CSGALNACT1: variants seen among roughly 807,000 people sequenced by gnomAD.
CSGALNACT1 encodes beta4GalNAcT-1.
In CSGALNACT1, 52 loss-of-function variants were observed where a neutral mutation model predicts 51.0. That is an observed-to-expected ratio of 1.02 (90% CI 0.82 to 1.29). CSGALNACT1 has a LOEUF of 1.29. Ranked by LOEUF, CSGALNACT1 falls within the 50% of genes most tolerant of loss-of-function variation. The probability of loss-of-function intolerance (pLI) is 0.00; values close to 1 mark genes in which losing one functional copy is unlikely to be tolerated. For missense variants in CSGALNACT1, 935 were observed against 679.2 expected (o/e 1.38, Z -4.19); for synonymous variants, 341 against 254.4 (o/e 1.34, Z -3.24).
At chr8:19,416,864 A>C (rs2153688688) in intron 8 of CSGALNACT1, among the ~76,000 whole-genome samples, 1 of 113,444 alleles carries the variant, frequency 8.8e-6, no homozygotes, top group South Asian at 3.3e-4. Flanking sequence ...ATGAAAACTC[A>C]CTTTTTTTTT....
At chr8:19,452,401 T>G (rs2063330401) in intron 5 of CSGALNACT1, among the ~76,000 whole-genome samples, 1 of 135,002 alleles carries the variant, frequency 7.4e-6, no homozygotes, top group Non-Finnish European at 1.6e-5. Flanking sequence ...TAATTACTTG[T>G]GAACTAACCC....
intron 4 of CSGALNACT1, among the ~76,000 whole-genome samples, chr8:19,500,627 A>G (rs1335390202): frequency 6.6e-6 from 1 of 152,162 alleles, no homozygotes; most frequent in Non-Finnish European, 1.5e-5. Context: ...TTAGTGATAC[A>G]CCGACAAGTG....
intron 1 of CSGALNACT1, among the ~76,000 whole-genome samples, chr8:19,644,527 T>C (rs1245529564): frequency 6.6e-6 from 1 of 150,656 alleles, no homozygotes; most frequent in African/African-American, 2.4e-5. Context: ...CTGGCCAACA[T>C]GGTAAAACCC....
chr8:19,748,833 C>A (rs766976149), intron 1 of CSGALNACT1, among the ~76,000 whole-genome samples: 1 of 152,032 alleles, frequency 6.6e-6, no homozygotes, highest in East Asian at 1.9e-4. Context: ...GGTGTGGTGG[C>A]GAGTGCCTGT....
At chr8:19,524,914 G>C (rs1006523111) in intron 3 of CSGALNACT1, among the ~76,000 whole-genome samples, 3 of 152,142 alleles carry the variant, frequency 2.0e-5, no homozygotes, top group African/African-American at 7.2e-5. Flanking sequence ...AAGAGAGAAA[G>C]AGAGACACAG....
chr8:19,475,918 A>G (rs965902048), intron 4 of CSGALNACT1, among the ~76,000 whole-genome samples: 15 of 152,180 alleles, frequency 9.9e-5, no homozygotes, highest in African/African-American at 3.6e-4. Context: ...GGGCAAAGTC[A>G]ATTCTCAAAG....
At chr8:19,683,852 C>T (rs1464793736), upstream of CSGALNACT1, among the ~76,000 whole-genome samples, 3 of 151,786 alleles carry the variant, frequency 2.0e-5, no homozygotes, top group Non-Finnish European at 4.4e-5. Flanking sequence ...AGGGCAAGAC[C>T]ACATTCTACC....
At chr8:19,463,256 C>T (rs2065946302) in intron 4 of CSGALNACT1, among the ~76,000 whole-genome samples, 1 of 152,118 alleles carries the variant, frequency 6.6e-6, no homozygotes, top group Non-Finnish European at 1.5e-5. Flanking sequence ...TATGGCTTCG[C>T]TATTGTGAAT....
At chr8:19,749,501 T>G (rs780941164) in intron 1 of CSGALNACT1, among the ~76,000 whole-genome samples, 2 of 152,196 alleles carry the variant, frequency 1.3e-5, no homozygotes, top group Non-Finnish European at 2.9e-5. Flanking sequence ...TAGACGTTTC[T>G]GAACTGTAAT....
chr8:19,432,374 T>G (rs2059770462), intron 6 of CSGALNACT1, among the ~76,000 whole-genome samples: 1 of 152,208 alleles, frequency 6.6e-6, no homozygotes, highest in African/African-American at 2.4e-5. Context: ...TTCTCTGTCT[T>G]TGGATTTCAA....
At chr8:19,669,400 C>G (rs1482537842) in intron 1 of CSGALNACT1, among the ~76,000 whole-genome samples, 2 of 152,194 alleles carry the variant, frequency 1.3e-5, no homozygotes, top group Non-Finnish European at 2.9e-5. Context: ...CATGGTTACT[C>G]TACCAAACCA....
chr8:19,534,181 G>A (rs2083313567), intron 3 of CSGALNACT1, among the ~76,000 whole-genome samples: 1 of 152,146 alleles, frequency 6.6e-6, no homozygotes, highest in Non-Finnish European at 1.5e-5. Context: ...GCCGGGTGTG[G>A]TGGTTCACAT....
intron 1 of CSGALNACT1, among the ~76,000 whole-genome samples, chr8:19,646,172 G>C (rs2057258056): frequency 6.6e-6 from 1 of 152,156 alleles, no homozygotes; most frequent in South Asian, 2.1e-4. Flanking sequence ...TTACTCAGTA[G>C]ACTGACAAGA....
intron 3 of CSGALNACT1, among the ~76,000 whole-genome samples, chr8:19,575,226 T>G (rs2043923830): frequency 6.6e-6 from 1 of 152,130 alleles, no homozygotes; most frequent in African/African-American, 2.4e-5. Flanking sequence ...AACATTGTGG[T>G]TTTATTTTTT....
At chr8:19,632,597 T>A (rs2055428577) in intron 1 of CSGALNACT1, among the ~76,000 whole-genome samples, 1 of 152,242 alleles carries the variant, frequency 6.6e-6, no homozygotes, top group Non-Finnish European at 1.5e-5. Flanking sequence ...TCTACAGCGA[T>A]CACTGCAGCC....
intron 4 of CSGALNACT1, among the ~76,000 whole-genome samples, chr8:19,488,147 C>T (rs1587031385): frequency 1.3e-5 from 2 of 151,834 alleles, no homozygotes; most frequent in Admixed American, 6.6e-5. Context: ...GTCAGGAGCT[C>T]GAGACCAGCC....
chr8:19,573,479 C>T (rs1020222674), intron 3 of CSGALNACT1, among the ~76,000 whole-genome samples: 5 of 151,774 alleles, frequency 3.3e-5, no homozygotes, highest in Non-Finnish European at 7.4e-5. Flanking sequence ...AGTCTCACTC[C>T]GTTGCCCAGG....
At chr8:19,690,201 A>G (rs2061223376) in intron 1 of CSGALNACT1, among the ~76,000 whole-genome samples, 2 of 152,258 alleles carry the variant, frequency 1.3e-5, no homozygotes, top group African/African-American at 4.8e-5. Context: ...ATACATGAAT[A>G]CTTTTCAAAT....
intron 1 of CSGALNACT1, among the ~76,000 whole-genome samples, chr8:19,738,574 C>T (rs911757695): frequency 9.9e-5 from 15 of 151,980 alleles, no homozygotes; most frequent in African/African-American, 1.7e-4. Context: ...TACATAACAA[C>T]ATGAATGCAC....
Sources: gnomAD v4.1 joint callset for allele counts (sites outside exome capture counted in the v4.1 genomes callset) on GRCh38, gnomAD v4.1.1 for gene constraint, MANE v1.5 for transcripts, NCBI Gene and HGNC (gene_info 2026-07-23, HGNC 2026-07-21) for gene names.